Variants in SHISAL1 observed in about 807,000 individuals in gnomAD.
The protein encoded by SHISAL1 is shisa like 1, also known as protein shisa-like-1.
Under a neutral mutation model 22.6 loss-of-function variants are expected in SHISAL1, and 9 were observed. The observed-to-expected ratio is 0.40, with a 90% CI of 0.24 to 0.70. SHISAL1 has a LOEUF of 0.70. Ranked by LOEUF, SHISAL1 falls within the 30% of genes least tolerant of loss-of-function variation. The pLI, the probability that SHISAL1 is intolerant of heterozygous loss-of-function variation, is 0.39. For missense variants in SHISAL1, 246 were observed against 270.6 expected, an observed-to-expected ratio of 0.91 and a Z score of 0.64; for synonymous variants, 119 against 115.4, an observed-to-expected ratio of 1.03 and a Z score of -0.20.
chr22:44,296,717 A>G lies in SHISAL1; in HGVS notation c.236T>C (p.Val79Ala), dbSNP rs765173474. The G allele has an allele frequency of 3.7e-6, 6 of 1,613,876 alleles. No homozygotes were observed. The highest frequency in any genetic ancestry group is 5.1e-6 in the Non-Finnish European group (6 of 1,180,034). The change falls in exon 3 of 5, where the codon GTG (valine) becomes GCG (alanine). Residue 79 changes from valine to alanine, a missense_variant. Val to Ala is a moderately conservative substitution (Grantham distance 64, BLOSUM62 0). Coordinates refer to ENST00000381176, the MANE Select transcript of SHISAL1 (RefSeq NM_001099294.2). The stretch of plus-strand genomic sequence containing the variant: ...GCTGGCCGTGAGGTTCGCCTGCATC[A>G]CCGCCTGGAACTCCGTCTCGTTGCA... ...YCCNETEFQA[V>A]MQANLTASSE...
intron 4 of SHISAL1, among the ~76,000 whole-genome samples, chr22:44,257,812 C>G (rs2055094750): frequency 6.6e-6 from 1 of 152,170 alleles, no homozygotes; most frequent in Admixed American, 6.5e-5. Context: ...CATCACCTTC[C>G]TAGGGAACTG....
upstream of SHISAL1, among the ~76,000 whole-genome samples, chr22:44,314,735 A>G (rs2055546590): frequency 6.6e-6 from 1 of 152,144 alleles, no homozygotes; most frequent in African/African-American, 2.4e-5. Flanking sequence ...ACCAGGCTCT[A>G]GAAAGCTCAC....
At chr22:44,288,148 G>C (rs2055329069) in intron 3 of SHISAL1, among the ~76,000 whole-genome samples, 1 of 152,218 alleles carries the variant, frequency 6.6e-6, no homozygotes, top group Non-Finnish European at 1.5e-5. Flanking sequence ...GGAGGAAACA[G>C]CTTTTTCATC....
chr22:44,267,358 A>G (rs1014531319), intron 4 of SHISAL1, among the ~76,000 whole-genome samples: 4 of 152,134 alleles, frequency 2.6e-5, no homozygotes, highest in African/African-American at 7.2e-5. Context: ...AAAATCTCCC[A>G]GGCTACTCAG....
At chr22:44,277,545 T>C (rs566821336) in intron 4 of SHISAL1, among the ~76,000 whole-genome samples, 4 of 152,328 alleles carry the variant, frequency 2.6e-5, no homozygotes, top group African/African-American at 9.6e-5. Flanking sequence ...GAGTGAGTGC[T>C]GGATCGCTGG....
At chr22:44,277,261 T>C (rs2055246351) in intron 4 of SHISAL1, among the ~76,000 whole-genome samples, 1 of 152,134 alleles carries the variant, frequency 6.6e-6, no homozygotes. Context: ...TGCCAGGGCC[T>C]TTCCGCGTTT....
chr22:44,304,707 G>C (rs7511306), intron 1 of SHISAL1, among the ~76,000 whole-genome samples: 3 of 152,112 alleles, frequency 2.0e-5, no homozygotes, highest in Non-Finnish European at 2.9e-5. Flanking sequence ...TTCTCCGGGG[G>C]AGTCCTATGG....
intron 4 of SHISAL1, among the ~76,000 whole-genome samples, chr22:44,257,942 C>G (rs192506065): frequency 6.6e-6 from 1 of 152,308 alleles, no homozygotes; most frequent in Non-Finnish European, 1.5e-5. Context: ...GAGTTCGAAA[C>G]CAGCCTGACC....
intron 4 of SHISAL1, among the ~76,000 whole-genome samples, chr22:44,275,441 A>C (rs1204457711): frequency 6.6e-6 from 1 of 152,188 alleles, no homozygotes; most frequent in African/African-American, 2.4e-5. Flanking sequence ...CCCAGACCAG[A>C]GAGGACTTGT....
chr22:44,317,094 C>G (rs1353911262), upstream of SHISAL1, among the ~76,000 whole-genome samples: 2 of 152,214 alleles, frequency 1.3e-5, no homozygotes, highest in South Asian at 2.1e-4. Flanking sequence ...CTTAACCCCC[C>G]ATCGTCGGCT....
At chr22:44,270,953 G>A (rs928002001) in intron 4 of SHISAL1, among the ~76,000 whole-genome samples, 1 of 152,168 alleles carries the variant, frequency 6.6e-6, no homozygotes, top group Non-Finnish European at 1.5e-5. Flanking sequence ...AGTAAGCCCT[G>A]AGCAACCTCA....
chr22:44,294,751 A>T (rs1441691456), intron 3 of SHISAL1, among the ~76,000 whole-genome samples: 2 of 152,234 alleles, frequency 1.3e-5, no homozygotes, highest in Non-Finnish European at 2.9e-5. Context: ...GGCTGAATGC[A>T]AAATTCCTAT....
chr22:44,257,331 A>G (rs1193511498), intron 4 of SHISAL1, among the ~76,000 whole-genome samples: 1 of 152,192 alleles, frequency 6.6e-6, no homozygotes, highest in South Asian at 2.1e-4. Flanking sequence ...CAGGTCAAAA[A>G]CAACAGCTCC....
At position 44,285,818 on chromosome 22, in the gene SHISAL1, C is replaced by T. The variant is rs569815438; in HGVS notation, c.282-73G>A. ...GCTCAGGCCGGCTTCATCAGTGGGGCTGATTAGAGAATGTGTCCTGGGGCT... is the reference window on the plus strand; with the variant it reads ...GCTCAGGCCGGCTTCATCAGTGGGGTTGATTAGAGAATGTGTCCTGGGGCT... On this transcript the variant is annotated intron_variant, in intron 3 of 4. Coordinates refer to ENST00000381176, the MANE Select transcript of SHISAL1 (RefSeq NM_001099294.2). 5 of 1,264,910 alleles carry T rather than the reference C, an allele frequency of 4.0e-6. No individual in the cohort carries two copies. The Admixed American group carries it at 5.4e-5, about 14-fold the overall frequency. 78.4% of individuals were successfully genotyped at this position (1,264,910 alleles called of 1,614,324 possible).
chr22:44,305,754 C>A (rs867833319), intron 1 of SHISAL1, among the ~76,000 whole-genome samples: 1 of 152,334 alleles, frequency 6.6e-6, no homozygotes, highest in African/African-American at 2.4e-5. Context: ...CATCCATGGC[C>A]TGGCTGTGCC....
chr22:44,324,038 G>T, the SHISAL1 span, among the ~76,000 whole-genome samples: 4 of 152,232 alleles, frequency 2.6e-5, no homozygotes, highest in African/African-American at 9.6e-5. Flanking sequence ...ACAGCCAGGA[G>T]GAGTGGAGAC....
chr22:44,287,102 AC>A (rs1255466227), intron 3 of SHISAL1, among the ~76,000 whole-genome samples: 2 of 152,130 alleles, frequency 1.3e-5, no homozygotes, highest in Non-Finnish European at 2.9e-5. Flanking sequence ...GAACCCGGAG[AC>A]CTGGTTCTAA....
chr22:44,300,976 G>T lies in SHISAL1; in HGVS notation c.-31C>A, dbSNP rs368365550. 1.2e-6 allele frequency: 2 copies of T among 1,605,764 alleles called. No individual in the cohort carries two copies. The highest frequency in any genetic ancestry group is 1.7e-5 in the Admixed American group (1 of 59,686). On this transcript the variant is annotated splice_region_variant and 5_prime_UTR_variant, in exon 2 of 5. Coordinates refer to ENST00000381176, the MANE Select transcript of SHISAL1 (RefSeq NM_001099294.2). ...GGCTTGCATTGATCCGTCCAGAGCT[G>T]CCTGTTCAATGAGAGCCACGAGAGG...
At chr22:44,318,071 C>A in the SHISAL1 span, among the ~76,000 whole-genome samples, 2 of 152,228 alleles carry the variant, frequency 1.3e-5, no homozygotes, top group African/African-American at 2.4e-5. Context: ...GGCTGGCTGC[C>A]CCCCGACCCA....
Sources: gnomAD v4.1 joint callset for allele counts (sites outside exome capture counted in the v4.1 genomes callset) on GRCh38, gnomAD v4.1.1 for gene constraint, MANE v1.5 for transcripts, NCBI Gene and HGNC (gene_info 2026-07-23, HGNC 2026-07-21) for gene names.